Variants in SLC39A8 observed in about 807,000 individuals in gnomAD.
SLC39A8 encodes metal cation symporter ZIP8.
Under a neutral mutation model 40.4 loss-of-function variants are expected in SLC39A8, and 15 were observed. The ratio of observed to expected loss-of-function variants is 0.37; its 90% CI spans 0.25 to 0.57. The LOEUF (loss-of-function observed/expected upper bound fraction) is 0.57, where lower values mean the gene tolerates loss of function less well. SLC39A8 is among the 20% of genes least tolerant of loss of function. SLC39A8 has a pLI of 0.75. For missense variants in SLC39A8, 472 were observed against 558.8 expected (o/e 0.84, Z 1.57); for synonymous variants, 223 against 221.6 (o/e 1.01, Z -0.06).
chr4:102,335,277 A>G (rs1232675086), intron 2 of SLC39A8, among the ~76,000 whole-genome samples: 1 of 152,202 alleles, frequency 6.6e-6, no homozygotes, highest in East Asian at 1.9e-4. Flanking sequence ...TATTTATATA[A>G]AGCAGGAACT....
intron 6 of SLC39A8, among the ~76,000 whole-genome samples, chr4:102,269,948 AG>A (rs377519807): frequency 6.6e-6 from 1 of 152,340 alleles, no homozygotes; most frequent in African/African-American, 2.4e-5. Context: ...AATTTAGCAC[AG>A]GTGGATCGGG....
At chr4:102,266,963 T>C (rs903357565) in intron 8 of SLC39A8, among the ~76,000 whole-genome samples, 2 of 152,174 alleles carry the variant, frequency 1.3e-5, no homozygotes, top group Non-Finnish European at 2.9e-5. Context: ...GACACAGACA[T>C]TGAACAGATA....
chr4:102,258,762 G>T (rs1253016177), downstream of SLC39A8, among the ~76,000 whole-genome samples: 1 of 152,124 alleles, frequency 6.6e-6, no homozygotes, highest in Non-Finnish European at 1.5e-5. Flanking sequence ...GACACTTTTG[G>T]GATTCTTCAG....
chr4:102,316,416 C>A (rs941383416), intron 2 of SLC39A8, among the ~76,000 whole-genome samples: 21 of 152,004 alleles, frequency 1.4e-4, no homozygotes, highest in Admixed American at 7.2e-4. Context: ...GGTAACTTTT[C>A]TATATTAAGT....
At chr4:102,331,860 C>T (rs1275964194) in intron 2 of SLC39A8, among the ~76,000 whole-genome samples, 1 of 152,162 alleles carries the variant, frequency 6.6e-6, no homozygotes, top group Non-Finnish European at 1.5e-5. Context: ...GAAATAACGC[C>T]AGACATCTAC....
At chr4:102,327,433 C>T (rs1298575644) in intron 2 of SLC39A8, among the ~76,000 whole-genome samples, 1 of 152,162 alleles carries the variant, frequency 6.6e-6, no homozygotes, top group Non-Finnish European at 1.5e-5. Context: ...GACTTTGCAT[C>T]TCCCATGACC....
intron 2 of SLC39A8, among the ~76,000 whole-genome samples, chr4:102,332,673 C>T (rs975931848): frequency 6.6e-6 from 1 of 152,188 alleles, no homozygotes; most frequent in Non-Finnish European, 1.5e-5. Flanking sequence ...TGGGTATATA[C>T]CCAAAGGATT....
intron 3 of SLC39A8, among the ~76,000 whole-genome samples, chr4:102,309,787 G>T (rs547579839): frequency 6.6e-6 from 1 of 152,080 alleles, no homozygotes; most frequent in Non-Finnish European, 1.5e-5. Context: ...AACAGGAACA[G>T]TAGGATCAAT....
intron 4 of SLC39A8, among the ~76,000 whole-genome samples, chr4:102,306,441 AAT>A (rs1256307137): frequency 6.6e-6 from 1 of 151,968 alleles, no homozygotes; most frequent in Non-Finnish European, 1.5e-5. Flanking sequence ...GAGGCTGTGA[AAT>A]AGATATTATC....
chr4:102,273,527 G>A (rs1334663955), intron 6 of SLC39A8, among the ~76,000 whole-genome samples: 8 of 152,150 alleles, frequency 5.3e-5, no homozygotes, highest in Non-Finnish European at 1.0e-4. Context: ...AGCTTCCGCC[G>A]ACTTAAACGT....
downstream of SLC39A8, chr4:102,259,418 A>C: frequency 1.0e-5 from 14 of 1,393,954 alleles, no homozygotes; most frequent in African/African-American, 1.4e-5. Context: ...TAAAACATGC[A>C]AGCCCACCCA....
At chr4:102,330,400 G>T (rs746920835) in intron 2 of SLC39A8, among the ~76,000 whole-genome samples, 1 of 152,098 alleles carries the variant, frequency 6.6e-6, no homozygotes, top group Non-Finnish European at 1.5e-5. Flanking sequence ...ACACCTCAAC[G>T]CAAATAAACT....
At chr4:102,291,473 G>T (rs560384582) in intron 6 of SLC39A8, among the ~76,000 whole-genome samples, 11 of 151,960 alleles carry the variant, frequency 7.2e-5, no homozygotes, top group African/African-American at 2.4e-4. Flanking sequence ...CCCCACACCA[G>T]TTCTCTATCT....
intron 11 of SLC39A8, among the ~76,000 whole-genome samples, chr4:102,255,408 CT>C (rs1272064993): frequency 1.3e-5 from 2 of 152,184 alleles, no homozygotes; most frequent in African/African-American, 4.8e-5. Context: ...CAACACAACT[CT>C]CTCCAATCAG....
At chr4:102,290,230 A>C (rs974554837) in intron 6 of SLC39A8, among the ~76,000 whole-genome samples, 1 of 152,188 alleles carries the variant, frequency 6.6e-6, no homozygotes, top group Admixed American at 6.5e-5. Flanking sequence ...TTTTAAATTA[A>C]GATATCAATG....
At chr4:102,311,448 G>A (rs1165943340) in intron 3 of SLC39A8, among the ~76,000 whole-genome samples, 4 of 151,980 alleles carry the variant, frequency 2.6e-5, no homozygotes, top group Admixed American at 6.6e-5. Context: ...CCTTAGGTAC[G>A]ACACCTACAA....
chr4:102,285,496 TC>T (rs1267637479), intron 6 of SLC39A8, among the ~76,000 whole-genome samples: 1 of 152,136 alleles, frequency 6.6e-6, no homozygotes, highest in African/African-American at 2.4e-5. Flanking sequence ...TATCTTCAAT[TC>T]TTTTTTTATT....
intron 2 of SLC39A8, among the ~76,000 whole-genome samples, chr4:102,320,008 G>A (rs1034870264): frequency 2.0e-5 from 3 of 150,904 alleles, no homozygotes; most frequent in African/African-American, 7.3e-5. Flanking sequence ...CCTCCCTCTA[G>A]AGTTTACACC....
At chr4:102,295,277 T>C (rs1438640011) in intron 6 of SLC39A8, among the ~76,000 whole-genome samples, 3 of 151,464 alleles carry the variant, frequency 2.0e-5, no homozygotes, top group Non-Finnish European at 2.9e-5. Context: ...AACATTGGAA[T>C]TGTGTTTGCA....
Sources: allele counts gnomAD v4.1 joint callset (sites outside exome capture counted in the v4.1 genomes callset), GRCh38; gene constraint gnomAD v4.1.1; transcripts MANE v1.5; gene names NCBI Gene and HGNC (gene_info 2026-07-23, HGNC 2026-07-21).